NR3C2: variants seen among roughly 807,000 people sequenced by gnomAD.
NR3C2 encodes mineralocorticoid receptor.
A neutral mutation model predicts 86.4 loss-of-function variants in NR3C2; 15 were observed. The ratio of observed to expected loss-of-function variants is 0.17; its 90% CI spans 0.12 to 0.27. The LOEUF (loss-of-function observed/expected upper bound fraction) is 0.27. Among genes scored for constraint, NR3C2 ranks in the 10% least tolerant of loss-of-function variants. The pLI is 1.00. For missense variants in NR3C2, 960 were observed against 1,195.6 expected (o/e 0.80, Z 2.91); for synonymous variants, 458 against 450.5 (o/e 1.02, Z -0.21).
intron 3 of NR3C2, among the ~76,000 whole-genome samples, chr4:148,231,961 C>T (rs1419243537): frequency 6.6e-6 from 1 of 152,172 alleles, no homozygotes; most frequent in East Asian, 1.9e-4. Flanking sequence ...TGCAGCAATT[C>T]AGTCACATCT....
At chr4:148,433,994 A>G (rs1749918920) in intron 2 of NR3C2, among the ~76,000 whole-genome samples, 1 of 152,196 alleles carries the variant, frequency 6.6e-6, no homozygotes, top group South Asian at 2.1e-4. Flanking sequence ...CAATGACAAT[A>G]AGAAGAATAC....
chr4:148,151,204 GT>G (rs761090422), intron 6 of NR3C2, among the ~76,000 whole-genome samples: 37 of 152,252 alleles, frequency 2.4e-4, no homozygotes, highest in Non-Finnish European at 1.5e-5. Flanking sequence ...TAAATGGGTT[GT>G]TTTAATGTTC....
At chr4:148,380,780 TGA>T (rs2126442853) in intron 2 of NR3C2, among the ~76,000 whole-genome samples, 1 of 152,320 alleles carries the variant, frequency 6.6e-6, no homozygotes, top group Non-Finnish European at 1.5e-5. Flanking sequence ...ATAACAATGA[TGA>T]GTTTTTAAAA....
intron 2 of NR3C2, among the ~76,000 whole-genome samples, chr4:148,403,926 T>C (rs1180574695): frequency 3.3e-5 from 5 of 152,110 alleles, no homozygotes; most frequent in Non-Finnish European, 7.4e-5. Flanking sequence ...TTGTTAAATA[T>C]GTAAAGTTTC....
At chr4:148,286,157 G>A (rs969829665) in intron 2 of NR3C2, among the ~76,000 whole-genome samples, 2 of 152,138 alleles carry the variant, frequency 1.3e-5, no homozygotes, top group African/African-American at 4.8e-5. Context: ...AAATCATTTT[G>A]TTATATAAAC....
At chr4:148,229,836 G>A (rs1260772785) in intron 3 of NR3C2, among the ~76,000 whole-genome samples, 3 of 152,178 alleles carry the variant, frequency 2.0e-5, no homozygotes, top group Non-Finnish European at 4.4e-5. Context: ...TGTAGCCTAT[G>A]TATCACTCAT....
At chr4:148,085,700 G>T (rs61296613) in intron 8 of NR3C2, among the ~76,000 whole-genome samples, 13,171 of 152,084 alleles carry the variant, frequency 0.087, 698 homozygotes, top group Middle Eastern at 0.15. Context: ...TGAATCCAGG[G>T]GCTGGTTTTT....
chr4:148,217,567 TC>T lies in NR3C2; in HGVS notation c.1898-22706del, dbSNP rs1344255278. 3.3e-5 allele frequency among the ~76,000 whole-genome samples: 5 copies of T among 152,342 alleles called. No individual in the cohort carries two copies. The South Asian group carries it at 1.0e-3, about 32-fold the overall frequency. On this transcript the variant is annotated intron_variant, in intron 3 of 8. Transcript: ENST00000358102. ...GATCCACTCTGCTATTGTAGTCTCA[TC>T]CTACCAATGGAGGTCCTTCCTCTTT...
At chr4:148,216,485 G>A (rs906780489) in intron 3 of NR3C2, among the ~76,000 whole-genome samples, 1 of 152,092 alleles carries the variant, frequency 6.6e-6, no homozygotes, top group Non-Finnish European at 1.5e-5. Flanking sequence ...GAGAGTAAAT[G>A]AAAGAGCCAA....
At chr4:148,444,285 C>T, upstream of NR3C2, 1 of 985,434 alleles carries the variant, frequency 1.0e-6, no homozygotes, top group Non-Finnish European at 1.2e-6. Context: ...TGGATCTCAG[C>T]TTCTTGCAAA....
upstream of NR3C2, chr4:148,442,461 GGA>G (rs1750399154): frequency 1.7e-5 from 3 of 181,814 alleles, no homozygotes; most frequent in Admixed American, 1.9e-4. Context: ...AAAAAGGGAG[GGA>G]GAGAGGGCGG....
chr4:148,441,196 A>T (rs898912149), intron 1 of NR3C2, among the ~76,000 whole-genome samples: 1 of 152,212 alleles, frequency 6.6e-6, no homozygotes, highest in Non-Finnish European at 1.5e-5. Context: ...ATCGCCAAAC[A>T]AAACTATGCC....
rs561422296 is a variant in NR3C2, at chr4:148,435,161, G to A, written c.1700C>T (p.Ser567Leu). The change falls in exon 2 of 9, where the codon TCG becomes TTG. Residue 567 changes from serine (S) to leucine (L), a missense_variant. Ser to Leu is a moderately radical substitution (Grantham distance 145). Around this residue, in one of 4 missense-constraint regions of NR3C2, gnomAD observed 680 missense variants for 719.0 expected, o/e 0.95. Transcript: ENST00000358102. Reference sequence around the variant, plus strand: ...CGGATACCCATCACTTCTTCTAGACGACAGGTCGCCGTGTGATTTCCATGA... The same window carrying A: ...CGGATACCCATCACTTCTTCTAGACAACAGGTCGCCGTGTGATTTCCATGA... The part of the protein sequence containing the change: ...VESWKSHGDL[S>L]SRRSDGYPVL... The A allele has an allele frequency of 8.1e-5, 130 of 1,614,036 alleles. No homozygotes were observed. The highest frequency in any genetic ancestry group is 1.6e-4 in the Middle Eastern group (1 of 6,084).
At chr4:148,325,381 T>C (rs1743909699) in intron 2 of NR3C2, among the ~76,000 whole-genome samples, 1 of 152,220 alleles carries the variant, frequency 6.6e-6, no homozygotes, top group South Asian at 2.1e-4. Flanking sequence ...CAGAGCAGCC[T>C]CTGTGTATGT....
At chr4:148,341,656 A>G (rs1370123691) in intron 2 of NR3C2, among the ~76,000 whole-genome samples, 1 of 152,134 alleles carries the variant, frequency 6.6e-6, no homozygotes, top group Non-Finnish European at 1.5e-5. Flanking sequence ...AAATGCCCCA[A>G]TTGCCCTGGT....
At chr4:148,225,114 C>A (rs1738074584) in intron 3 of NR3C2, among the ~76,000 whole-genome samples, 1 of 152,090 alleles carries the variant, frequency 6.6e-6, no homozygotes, top group Non-Finnish European at 1.5e-5. Context: ...TGCAGATGAA[C>A]CATTTATTAT....
rs73855932 is a variant in NR3C2 at position 148,213,193 on chromosome 4, A to G, written c.1898-18331T>C. On this transcript the variant is annotated intron_variant, in intron 3 of 8. Coordinates refer to ENST00000358102, the MANE Select transcript of NR3C2 (RefSeq NM_000901.5). ...TCTAGGAGGAGTCACAGCTGCCTCAACACAGTGCCACAGCACACACAGTGC... is the reference window on the plus strand; with the variant it reads ...TCTAGGAGGAGTCACAGCTGCCTCAGCACAGTGCCACAGCACACACAGTGC... Among the ~76,000 whole-genome samples, 806 of 152,172 alleles carry G rather than the reference A, an allele frequency of 5.3e-3. 11 individuals are homozygous for G. Among genetic ancestry groups the G allele is most frequent in the African/African-American group, 0.019 (768 of 41,504 alleles).
intron 6 of NR3C2, 107 bp downstream of exon 6, chr4:148,152,362 T>C (rs1734140601): frequency 2.3e-6 from 3 of 1,287,770 alleles, no homozygotes; most frequent in Admixed American, 2.0e-5. Flanking sequence ...AAATGCCAGT[T>C]TCAGTAGATT....
intron 6 of NR3C2, among the ~76,000 whole-genome samples, chr4:148,126,836 T>C (rs1444447450): frequency 6.6e-6 from 1 of 152,202 alleles, no homozygotes; most frequent in African/African-American, 2.4e-5. Context: ...AATCTCAAAA[T>C]GCCCTGTGAG....
Sources: allele counts gnomAD v4.1 joint callset (sites outside exome capture counted in the v4.1 genomes callset), GRCh38; gene constraint gnomAD v4.1.1; regional missense constraint gnomAD v4.1.1; transcripts MANE v1.5; gene names NCBI Gene and HGNC (gene_info 2026-07-23, HGNC 2026-07-21).